CEP112: variants seen among roughly 807,000 people sequenced by gnomAD.
The protein encoded by CEP112 is centrosomal protein 112.
Under a neutral mutation model 153.0 loss-of-function variants are expected in CEP112, and 127 were observed. The ratio of observed to expected loss-of-function variants is 0.83; its 90% CI spans 0.72 to 0.96. The LOEUF (loss-of-function observed/expected upper bound fraction) is 0.96. Among genes scored for constraint, CEP112 ranks in the 40% least tolerant of loss-of-function variants. CEP112 has a pLI of 0.00. For synonymous variants in CEP112, 358 were observed against 374.4 expected (o/e 0.96, Z 0.51); for missense variants, 1,089 against 1,101.2 (o/e 0.99, Z 0.16).
At chr17:65,754,992 G>A (rs962316163) in intron 21 of CEP112, among the ~76,000 whole-genome samples, 4 of 151,954 alleles carry the variant, frequency 2.6e-5, no homozygotes, top group Non-Finnish European at 5.9e-5. Context: ...TGATACCTAG[G>A]TATGGGTTGG....
intron 22 of CEP112, among the ~76,000 whole-genome samples, chr17:65,744,019 T>A (rs1395323807): frequency 6.6e-6 from 1 of 152,112 alleles, no homozygotes; most frequent in African/African-American, 2.4e-5. Context: ...CACCTCGGCA[T>A]CCCAAAGTGT....
At chr17:65,925,231 C>T (rs2060881526) in intron 19 of CEP112, among the ~76,000 whole-genome samples, 1 of 152,316 alleles carries the variant, frequency 6.6e-6, no homozygotes, top group African/African-American at 2.4e-5. Context: ...TCTTGCCTGC[C>T]ACCACATAAA....
At chr17:65,949,006 A>T (rs976409120) in intron 18 of CEP112, among the ~76,000 whole-genome samples, 9 of 152,190 alleles carry the variant, frequency 5.9e-5, no homozygotes, top group Non-Finnish European at 1.3e-4. Context: ...GAAAAGGAAG[A>T]CTTAAAAATA....
chr17:65,719,558 G>A (rs1379091263), intron 23 of CEP112, among the ~76,000 whole-genome samples: 3 of 152,108 alleles, frequency 2.0e-5, no homozygotes, highest in Non-Finnish European at 4.4e-5. Flanking sequence ...CTCCAGCCTG[G>A]GTGTTAGAGT....
intron 23 of CEP112, among the ~76,000 whole-genome samples, chr17:65,742,349 AT>A (rs1037036803): frequency 1.3e-5 from 2 of 152,192 alleles, no homozygotes; most frequent in Admixed American, 6.5e-5. Flanking sequence ...TTCTTTAAAA[AT>A]TTTTTGTTCT....
intron 17 of CEP112, among the ~76,000 whole-genome samples, chr17:65,969,727 G>A (rs9892527): frequency 0.65 from 99,105 of 152,018 alleles, 33,512 homozygotes; most frequent in East Asian, 0.96. Flanking sequence ...ACATAAATGT[G>A]TATTGCATGC....
intron 21 of CEP112, among the ~76,000 whole-genome samples, chr17:65,830,965 T>G (rs2057051651): frequency 6.6e-6 from 1 of 152,224 alleles, no homozygotes; most frequent in African/African-American, 2.4e-5. Context: ...GCAATGAGTT[T>G]GTTCCACTGC....
chr17:66,186,465 A>G (rs1251665117), intron 1 of CEP112, among the ~76,000 whole-genome samples: 1 of 151,826 alleles, frequency 6.6e-6, no homozygotes, highest in African/African-American at 2.4e-5. Context: ...AATTTTTCGT[A>G]TTTTTAGTAG....
At chr17:65,837,243 A>G (rs1318977865) in intron 21 of CEP112, among the ~76,000 whole-genome samples, 1 of 151,810 alleles carries the variant, frequency 6.6e-6, no homozygotes, top group African/African-American at 2.4e-5. Flanking sequence ...GGAAGTGAGG[A>G]GCGTCTCTGC....
intron 23 of CEP112, among the ~76,000 whole-genome samples, chr17:65,693,422 AG>A (rs2048211302): frequency 6.6e-6 from 1 of 151,350 alleles, no homozygotes; most frequent in African/African-American, 2.4e-5. Context: ...TTGAATCTTG[AG>A]GAAATAATTC....
chr17:65,671,688 T>C (rs188529746), intron 24 of CEP112, among the ~76,000 whole-genome samples: 1 of 152,206 alleles, frequency 6.6e-6, no homozygotes, highest in African/African-American at 2.4e-5. Context: ...AGTACTTGTG[T>C]GTGTATGTGT....
chr17:66,069,883 A>G, intron 9 of CEP112, 32 bp downstream of exon 9: 1 of 1,226,218 alleles, frequency 8.2e-7, no homozygotes, highest in Non-Finnish European at 1.2e-6. Context: ...TTTAGTGTTC[A>G]ATATAATTAA....
At chr17:66,069,689 T>C (rs2067242398) in intron 9 of CEP112, among the ~76,000 whole-genome samples, 1 of 152,130 alleles carries the variant, frequency 6.6e-6, no homozygotes, top group African/African-American at 2.4e-5. Flanking sequence ...AAAGGTAATG[T>C]AAATATAAGG....
intron 4 of CEP112, among the ~76,000 whole-genome samples, chr17:66,162,235 C>A (rs969175210): frequency 5.9e-5 from 9 of 152,104 alleles, no homozygotes; most frequent in African/African-American, 2.2e-4. Flanking sequence ...TAAAAAAGAT[C>A]TTGATATCAT....
chr17:66,143,703 A>G (rs2070802007), intron 4 of CEP112, among the ~76,000 whole-genome samples: 2 of 152,222 alleles, frequency 1.3e-5, no homozygotes, highest in African/African-American at 4.8e-5. Flanking sequence ...AAATTCATAC[A>G]AACAGAAAGC....
intron 12 of CEP112, among the ~76,000 whole-genome samples, chr17:66,040,393 T>C (rs1568419221): frequency 1.3e-5 from 2 of 152,138 alleles, no homozygotes; most frequent in African/African-American, 2.4e-5. Flanking sequence ...TTGAATTGTT[T>C]TTCTTGATGA....
intron 6 of CEP112, among the ~76,000 whole-genome samples, chr17:66,104,055 G>C (rs544724764): frequency 1.5e-4 from 23 of 152,266 alleles, no homozygotes; most frequent in African/African-American, 5.3e-4. Flanking sequence ...AGGCAGTCTA[G>C]GTCACAAGGA....
At chr17:65,892,310 G>C (rs1056312774) in intron 20 of CEP112, among the ~76,000 whole-genome samples, 7 of 152,232 alleles carry the variant, frequency 4.6e-5, no homozygotes, top group African/African-American at 1.4e-4. Context: ...AAATAAATTT[G>C]ATTTACATAT....
chr17:66,003,979 C>G (rs1263530339), intron 17 of CEP112, among the ~76,000 whole-genome samples: 1 of 133,194 alleles, frequency 7.5e-6, no homozygotes. Flanking sequence ...GAAATTACCC[C>G]TTCCTTAGAT....
Sources: gnomAD v4.1 joint callset for allele counts (sites outside exome capture counted in the v4.1 genomes callset) on GRCh38, gnomAD v4.1.1 for gene constraint, MANE v1.5 for transcripts, NCBI Gene and HGNC (gene_info 2026-07-23, HGNC 2026-07-21) for gene names.